Variants in KHSRP observed in about 807,000 individuals in gnomAD.
KHSRP encodes far upstream element-binding protein 2.
KHSRP carries 13 observed loss-of-function variants against 94.9 expected under a neutral mutation model. That is an observed-to-expected ratio of 0.14 (90% CI 0.09 to 0.22). KHSRP has a LOEUF of 0.22. KHSRP is among the 10% of genes least tolerant of loss of function. The pLI, the probability that KHSRP is intolerant of heterozygous loss-of-function variation, is 1.00. For synonymous variants in KHSRP, 495 were observed against 401.4 expected (o/e 1.23, Z -2.79); for missense variants, 710 against 1,010.0 (o/e 0.70, Z 4.03).
In KHSRP at chr19:6,416,325, T is replaced by C; in HGVS notation, c.1571A>G (p.Asn524Ser). Residue 524 changes from asparagine (N) to serine (S), a missense_variant, in exon 15 of 19, where the codon AAC (asparagine) becomes AGC (serine). Around this residue, in one of 5 missense-constraint regions of KHSRP, gnomAD observed 292 missense variants for 340.5 expected, o/e 0.86. Transcript: ENST00000600480. ...TGGGGGAGCCCCGGGTGGCCCCTGG[T>C]TGAAGGGCCCAGGATTGAAGGGCCC... The part of the protein sequence containing the change: ...PMGPFNPGPF[N>S]QGPPGAPPHA... The C allele has an allele frequency of 2.5e-6, 4 of 1,603,670 alleles. No homozygotes were observed. Among genetic ancestry groups the C allele is most frequent in the Non-Finnish European group, 3.4e-6 (4 of 1,177,252 alleles).
At chr19:6,417,945 G>C (rs767011214) in intron 10 of KHSRP, 36 bp downstream of exon 10, 1 of 1,601,534 alleles carries the variant, frequency 6.2e-7, no homozygotes, top group African/African-American at 1.3e-5. Context: ...CTCCACTGGC[G>C]GGGGAGAGGG....
chr19:6,424,477 G>C lies in KHSRP; in HGVS notation c.225C>G (p.Ala75=). The change falls in exon 1 of 19, where the codon GCC becomes GCG. Residue 75 remains alanine, a synonymous_variant. Coordinates refer to ENST00000600480, the MANE Select transcript of KHSRP (RefSeq NM_001366299.1). ...CCTGGCGGGCCCGCTGCACGGCGTCGGCGAAAGCGTCCTTGCGGATTCCCG... is the reference window on the plus strand; with the variant it reads ...CCTGGCGGGCCCGCTGCACGGCGTCCGCGAAAGCGTCCTTGCGGATTCCCG... The part of the protein sequence containing the change: ...GGPGIRKDAF[A]DAVQRARQIA... 1 of 990,062 alleles carries C rather than the reference G, an allele frequency of 1.0e-6. No individual in the cohort carries two copies. Among genetic ancestry groups the C allele is most frequent in the Non-Finnish European group, 1.2e-6 (1 of 834,530 alleles). The allele number at this position is 990,062 out of a possible 1,614,324, so 61.3% of individuals were successfully genotyped here.
At position 6,415,107 on chromosome 19, in the gene KHSRP, A is replaced by AAGG. The variant is rs781093576; in HGVS notation, c.2158_2160dup (p.Pro720dup). 10 of 1,596,034 alleles carry AAGG rather than the reference A, an allele frequency of 6.3e-6. No homozygotes were observed. The highest frequency in any genetic ancestry group is 2.7e-5 in the African/African-American group (2 of 74,892). On this transcript the variant is annotated inframe_insertion, in exon 19 of 19. Transcript: ENST00000600480. ...ACGGTGGCCGGGGGTTGGAAGGAGA[A>AAGG]AGGAGGAGGAGGAGGGTGGCAATTC...
chr19:6,416,453 C>T (rs1555727000), intron 14 of KHSRP, 37 bp downstream of exon 14: 5 of 1,612,698 alleles, frequency 3.1e-6, no homozygotes, highest in South Asian at 2.2e-5. Flanking sequence ...GGGATCCGGG[C>T]TGTGAGACCA....
Position 6,413,388 on chromosome 19 carries a change from G to A in KHSRP, c.*1636C>T. Reference sequence around the variant, plus strand: ...TTTATTTGTGAAGTTAAAAACGAGCGATAAAAAGTAAAAACTGCCATACAA... The same window carrying A: ...TTTATTTGTGAAGTTAAAAACGAGCAATAAAAAGTAAAAACTGCCATACAA... On this transcript the variant is annotated 3_prime_UTR_variant, in exon 19 of 19. Transcript: ENST00000600480. 3 of 414,956 alleles carry A rather than the reference G, an allele frequency of 7.2e-6. No homozygotes were observed. Among genetic ancestry groups the A allele is most frequent in the Admixed American group, 5.8e-5 (2 of 34,556 alleles). The allele number at this position is 414,956 out of a possible 1,614,324, so 25.7% of individuals were successfully genotyped here. A position where few individuals can be genotyped will look rare whatever the true frequency, so the allele number is the denominator to read the frequency against.
chr19:6,424,367 TGCGCGC>T (rs888935149), intron 1 of KHSRP, 80 bp downstream of exon 1: 1 of 623,154 alleles, frequency 1.6e-6, no homozygotes, highest in Non-Finnish European at 2.0e-6. Flanking sequence ...TCCGCGACCC[TGCGCGC>T]GCGCGCGCAC....
At chr19:6,421,469 GCA>G in intron 3 of KHSRP, 152 bp from the exon 4 acceptor site, 1 of 997,254 alleles carries the variant, frequency 1.0e-6, no homozygotes. Flanking sequence ...CCCCATAAAA[GCA>G]CAGAGCTCAT....
chr19:6,415,287 C>T lies in KHSRP; in HGVS notation c.1981G>A (p.Gly661Arg). 2 of 1,613,088 alleles carry T rather than the reference C, an allele frequency of 1.2e-6. No homozygotes were observed. The highest frequency in any genetic ancestry group is 1.7e-6 in the Non-Finnish European group (2 of 1,179,832). ...CCTGGGGGAGCTCCTGGACCCCCTC[C>T]GGTGGCCACTTGCGCTGTGGGTGGA... is the stretch of plus-strand genomic sequence containing the variant. ...YYKKQAQVAT[G>R]GGPGAPPGSQ... is the part of the protein sequence containing the mutation. Residue 661 changes from glycine to arginine, a missense_variant, in exon 19 of 19, where the codon GGA becomes AGA. Gly to Arg is a moderately radical substitution (Grantham distance 125). Coordinates refer to ENST00000600480, the MANE Select transcript of KHSRP (RefSeq NM_001366299.1).
intron 15 of KHSRP, 143 bp downstream of exon 15, chr19:6,416,155 G>C: frequency 1.5e-6 from 1 of 680,968 alleles, no homozygotes; most frequent in Non-Finnish European, 2.5e-6. Context: ...AGACAGGAGA[G>C]GGCCTGTTGA....
At position 6,413,392 on chromosome 19, in the gene KHSRP, A is replaced by G. The variant is rs1240926777; in HGVS notation, c.*1632T>C. The G allele has an allele frequency of 4.8e-6, 2 of 418,018 alleles. No homozygotes were observed. Among genetic ancestry groups the G allele is most frequent in the Non-Finnish European group, 9.4e-6 (2 of 212,662 alleles). 25.9% of individuals were successfully genotyped at this position (418,018 alleles called of 1,614,324 possible). ...TTTGTGAAGTTAAAAACGAGCGATA[A>G]AAAGTAAAAACTGCCATACAATTTT... On this transcript the variant is annotated 3_prime_UTR_variant, in exon 19 of 19. Coordinates refer to ENST00000600480, the MANE Select transcript of KHSRP (RefSeq NM_001366299.1).
Position 6,415,873 on chromosome 19 carries a change from T to G in KHSRP, c.1622A>C (p.Gln541Pro). The change falls in exon 16 of 19, where the codon CAG (glutamine) becomes CCG (proline). Residue 541 changes from glutamine (Q) to proline (P), a missense_variant. This residue lies in a region of KHSRP where 292 missense variants were observed against 340.5 expected (regional missense o/e 0.86). Transcript: ENST00000600480. ...ATTGCCCCAGCCCTGGGGTGGGTAC[T>G]GGTGAGGAGGGGGCCCCCCGGCACT... ...PPHAGGPPPH[Q>P]YPPQGWGNTY... is the part of the protein sequence containing the mutation. 1 of 1,542,318 alleles carries G rather than the reference T, an allele frequency of 6.5e-7. No homozygotes were observed. Among genetic ancestry groups the G allele is most frequent in the Non-Finnish European group, 8.7e-7 (1 of 1,144,486 alleles).
Position 6,414,533 on chromosome 19 carries a change from A to G in KHSRP, c.*491T>C, listed in dbSNP as rs1036528447. The G allele has an allele frequency of 1.9e-6, 2 of 1,039,038 alleles. No homozygotes were observed. Among genetic ancestry groups the G allele is most frequent in the African/African-American group, 3.4e-5 (2 of 59,110 alleles). 64.4% of individuals were successfully genotyped at this position (1,039,038 alleles called of 1,614,324 possible). A position where few individuals can be genotyped will look rare whatever the true frequency, so the allele number is the denominator to read the frequency against. On this transcript the variant is annotated 3_prime_UTR_variant, in exon 19 of 19. Transcript: ENST00000600480. ...AACGATCTTCACGCCCACTTCACAG[A>G]CAAGCCCGGGACACAGGCAAGCGCG... is the stretch of plus-strand genomic sequence containing the variant.
chr19:6,419,089 G>A (rs1374264749), intron 7 of KHSRP, 114 bp downstream of exon 7: 5 of 1,189,310 alleles, frequency 4.2e-6, no homozygotes, highest in Non-Finnish European at 6.0e-6. Flanking sequence ...TCTGGAGATG[G>A]GGGCAAGAAT....
chr19:6,419,041 T>C (rs2092176952), intron 7 of KHSRP, among the ~76,000 whole-genome samples, 162 bp downstream of exon 7: 1 of 152,222 alleles, frequency 6.6e-6, no homozygotes, highest in Admixed American at 6.5e-5. Flanking sequence ...CCCCAGGTCT[T>C]GGGCTGCCGG....
At chr19:6,422,834 G>GTT (rs888266800) in intron 1 of KHSRP, among the ~76,000 whole-genome samples, 5 of 151,146 alleles carry the variant, frequency 3.3e-5, no homozygotes, top group Non-Finnish European at 5.9e-5. Flanking sequence ...CAGAAAGTGT[G>GTT]TTTTTTTTTA....
In KHSRP at chr19:6,421,274, T is replaced by C; in HGVS notation, c.425+4A>G. On this transcript the variant is annotated splice_donor_region_variant and intron_variant, in intron 4 of 18. Transcript: ENST00000600480. The stretch of plus-strand genomic sequence containing the variant: ...AAAGCAGTGTGGGCCCCACCATGGC[T>C]TACCTTGGGGGAGGATGGATGGGTC... 1 of 1,585,436 alleles carries C rather than the reference T, an allele frequency of 6.3e-7. No homozygotes were observed. The highest frequency in any genetic ancestry group is 8.6e-7 in the Non-Finnish European group (1 of 1,166,174).
Position 6,418,458 on chromosome 19 carries a change from C to A in KHSRP, c.879+25G>T. ...CCTGCCCGTGCCTCTCCAGAACCCC[C>A]TCCACCACCCCAGGGCGTGCTCACC... On this transcript the variant is annotated intron_variant, in intron 9 of 18. Transcript: ENST00000600480. This position sits in a 1 kb window ranked among gnomAD's most constrained non-coding sequence, Gnocchi z 4.3. 6.3e-7 allele frequency: 1 copy of A among 1,593,734 alleles called. No individual in the cohort carries two copies. The highest frequency in any genetic ancestry group is 1.1e-5 in the South Asian group (1 of 90,106).
intron 2 of KHSRP, among the ~76,000 whole-genome samples, 176 bp from the exon 3 acceptor site, chr19:6,421,864 C>T (rs2145123969): frequency 6.6e-6 from 1 of 152,328 alleles, no homozygotes; most frequent in Non-Finnish European, 1.5e-5. Context: ...CCCGCCAATT[C>T]CGCCACCAAC....
At chr19:6,420,347 G>GGGC in intron 5 of KHSRP, 75 bp downstream of exon 5, 1 of 1,460,704 alleles carries the variant, frequency 6.8e-7, no homozygotes, top group Non-Finnish European at 9.6e-7. Flanking sequence ...CAGGGCTTCT[G>GGGC]GGCTGGCAGG....
Sources: gnomAD v4.1 joint callset for allele counts (sites outside exome capture counted in the v4.1 genomes callset) on GRCh38, gnomAD v4.1.1 for gene constraint, gnomAD v4.1.1 regional missense constraint, Gnocchi (gnomAD v3.1) non-coding constraint, MANE v1.5 for transcripts, NCBI Gene and HGNC (gene_info 2026-07-23, HGNC 2026-07-21) for gene names.